The following CCDC85A variants were observed in gnomAD, a reference collection of about 807,000 sequenced individuals.
CCDC85A encodes the protein coiled-coil domain-containing protein 85A.
In CCDC85A, 38 loss-of-function variants were observed where a neutral mutation model predicts 50.2. The observed-to-expected ratio is 0.76, with a 90% CI of 0.58 to 0.99. CCDC85A has a LOEUF of 0.99. CCDC85A is among the 50% of genes least tolerant of loss of function. CCDC85A has a pLI of 0.00. For synonymous variants in CCDC85A, 366 were observed against 301.4 expected, an observed-to-expected ratio of 1.21 and a Z score of -2.22; for missense variants, 820 against 742.0, an observed-to-expected ratio of 1.11 and a Z score of -1.22.
At chr2:56,315,523 C>A (rs1181045929) in intron 2 of CCDC85A, among the ~76,000 whole-genome samples, 4 of 152,176 alleles carry the variant, frequency 2.6e-5, no homozygotes, top group African/African-American at 7.2e-5. Context: ...CAACCAAATG[C>A]CCTCAAGTAA....
At chr2:56,280,340 A>G (rs1671150719) in intron 2 of CCDC85A, among the ~76,000 whole-genome samples, 1 of 152,214 alleles carries the variant, frequency 6.6e-6, no homozygotes, top group African/African-American at 2.4e-5. Context: ...TTTAGATCTT[A>G]TTTAAAGACG....
At chr2:56,266,915 G>A (rs1354894347) in intron 2 of CCDC85A, among the ~76,000 whole-genome samples, 2 of 152,186 alleles carry the variant, frequency 1.3e-5, no homozygotes, top group Non-Finnish European at 2.9e-5. Context: ...AGTGAGTGGT[G>A]TGGTTTGTTT....
At chr2:56,336,603 T>C (rs532573493) in intron 2 of CCDC85A, among the ~76,000 whole-genome samples, 1 of 152,346 alleles carries the variant, frequency 6.6e-6, no homozygotes, top group Admixed American at 6.5e-5. Flanking sequence ...CAGTTGCAAA[T>C]ACCAATAATA....
chr2:56,241,221 A>T (rs1202065670), intron 2 of CCDC85A, among the ~76,000 whole-genome samples: 2 of 152,168 alleles, frequency 1.3e-5, no homozygotes, highest in Non-Finnish European at 2.9e-5. Context: ...CATATGGCAT[A>T]TGAGATATTT....
chr2:56,313,728 G>T (rs1451862265), intron 2 of CCDC85A, among the ~76,000 whole-genome samples: 1 of 151,650 alleles, frequency 6.6e-6, no homozygotes, highest in South Asian at 2.1e-4. Flanking sequence ...GTGGCAGAAG[G>T]TTGTCCTACA....
intron 2 of CCDC85A, among the ~76,000 whole-genome samples, chr2:56,313,357 C>T (rs901716218): frequency 1.3e-5 from 2 of 152,120 alleles, no homozygotes; most frequent in South Asian, 4.1e-4. Context: ...TTTTATAGTC[C>T]TTATAGTACC....
In CCDC85A at chr2:56,375,980, C is replaced by T. The variant is rs115825561; in HGVS notation, c.1572+45C>T. Reference sequence around the variant, plus strand: ...CATTTATCCAGAGCTTCAGTTGTGTCGTCGCTTGTTCGCTGTAGTCTAGTA... The same window carrying T: ...CATTTATCCAGAGCTTCAGTTGTGTTGTCGCTTGTTCGCTGTAGTCTAGTA... On this transcript the variant is annotated intron_variant, in intron 5 of 5. Coordinates refer to ENST00000407595, the MANE Select transcript of CCDC85A (RefSeq NM_001080433.2). 7.4e-4 allele frequency: 1,175 copies of T among 1,595,762 alleles called. 5 individuals carry two copies. The African/African-American group carries it at 0.014, about 19-fold the overall frequency.
At chr2:56,221,925 C>G (rs902204563) in intron 2 of CCDC85A, among the ~76,000 whole-genome samples, 17 of 152,122 alleles carry the variant, frequency 1.1e-4, no homozygotes, top group African/African-American at 3.6e-4. Context: ...AAGGGTCATT[C>G]CATGGTATAA....
chr2:56,256,028 A>G (rs12623053), intron 2 of CCDC85A, among the ~76,000 whole-genome samples: 38,891 of 151,974 alleles, frequency 0.26, 5,546 homozygotes, highest in South Asian at 0.35. Flanking sequence ...TATCCTATGT[A>G]GAATTCAAGA....
At chr2:56,381,993 T>C (rs547227574) in intron 5 of CCDC85A, among the ~76,000 whole-genome samples, 53 of 152,122 alleles carry the variant, frequency 3.5e-4, no homozygotes, top group African/African-American at 1.3e-3. Context: ...TCTAGGAGTA[T>C]GTTTTCTGTC....
intron 3 of CCDC85A, among the ~76,000 whole-genome samples, chr2:56,368,529 A>G (rs1218442093): frequency 1.3e-5 from 2 of 152,160 alleles, no homozygotes; most frequent in East Asian, 3.9e-4. Context: ...AACTAGGCAT[A>G]CACTCTGATG....
intron 5 of CCDC85A, among the ~76,000 whole-genome samples, chr2:56,382,915 G>A (rs183954092): frequency 6.6e-6 from 1 of 152,052 alleles, no homozygotes; most frequent in African/African-American, 2.4e-5. Context: ...GCTAGAAAAG[G>A]AAAGTCCATA....
chr2:56,376,115 A>G (rs148963781), intron 5 of CCDC85A, among the ~76,000 whole-genome samples, 180 bp downstream of exon 5: 4 of 152,206 alleles, frequency 2.6e-5, no homozygotes, highest in African/African-American at 9.6e-5. Context: ...TAAACTGACA[A>G]TGAGTTTGAG....
intron 1 of CCDC85A, among the ~76,000 whole-genome samples, chr2:56,189,297 G>GTTTTTTTTTTTTTTTTTTTT (rs70955011): frequency 1.4e-4 from 17 of 121,954 alleles, no homozygotes; most frequent in African/African-American, 4.1e-4. Flanking sequence ...TATTTTTGGT[G>GTTTTTTTTTTTTTTTTTTTT]TTTTTTTTTT....
intron 1 of CCDC85A, among the ~76,000 whole-genome samples, chr2:56,187,109 A>G (rs1451898368): frequency 6.6e-6 from 1 of 152,172 alleles, no homozygotes; most frequent in Non-Finnish European, 1.5e-5. Context: ...TTCCTTGGAC[A>G]CCATAGTAAT....
chr2:56,256,705 C>G (rs931672671), intron 2 of CCDC85A, among the ~76,000 whole-genome samples: 1 of 152,192 alleles, frequency 6.6e-6, no homozygotes, highest in Non-Finnish European at 1.5e-5. Flanking sequence ...CTTGCCCAGG[C>G]AGATAAATAT....
chr2:56,195,012 T>C (rs539118702), intron 2 of CCDC85A, among the ~76,000 whole-genome samples: 19 of 152,180 alleles, frequency 1.2e-4, no homozygotes, highest in Non-Finnish European at 2.4e-4. Flanking sequence ...AGTGGAGTAA[T>C]GGGAAGGTAA....
Position 56,272,146 on chromosome 2 carries a change from A to G in CCDC85A, c.1241-70733A>G, listed in dbSNP as rs1317713160. Among the ~76,000 whole-genome samples the G allele has an allele frequency of 6.6e-5, 10 of 152,340 alleles. No homozygotes were observed. The South Asian group carries it at 8.3e-4, about 13-fold the overall frequency. On this transcript the variant is annotated intron_variant, in intron 2 of 5. Transcript: ENST00000407595. Reference sequence around the variant, plus strand: ...CACCTAAATACTAGCAGACAAGAGTAAAGTTATGTGTTAATAATAAGTATT... The same window carrying G: ...CACCTAAATACTAGCAGACAAGAGTGAAGTTATGTGTTAATAATAAGTATT...
At chr2:56,292,562 G>A (rs1671762816) in intron 2 of CCDC85A, among the ~76,000 whole-genome samples, 1 of 152,164 alleles carries the variant, frequency 6.6e-6, no homozygotes, top group Non-Finnish European at 1.5e-5. Context: ...ATTTAAGTAG[G>A]ATGGGGAAAA....
Sources: gnomAD v4.1 joint callset for allele counts (sites outside exome capture counted in the v4.1 genomes callset) on GRCh38, gnomAD v4.1.1 for gene constraint, MANE v1.5 for transcripts, NCBI Gene and HGNC (gene_info 2026-07-23, HGNC 2026-07-21) for gene names.